The following RASGEF1A variants were observed in gnomAD, a reference collection of about 807,000 sequenced individuals.
The protein encoded by RASGEF1A is ras-GEF domain-containing family member 1A.
Under a neutral mutation model 56.4 loss-of-function variants are expected in RASGEF1A, and 18 were observed. The observed-to-expected ratio is 0.32, with a 90% CI of 0.22 to 0.47. The LOEUF (loss-of-function observed/expected upper bound fraction) is 0.47, where lower values mean the gene tolerates loss of function less well. Among genes scored for constraint, RASGEF1A ranks in the 20% least tolerant of loss-of-function variants. The pLI, the probability that RASGEF1A is intolerant of heterozygous loss-of-function variation, is 1.00. For missense variants in RASGEF1A, 422 were observed against 627.1 expected (o/e 0.67, Z 3.49); for synonymous variants, 245 against 242.6 (o/e 1.01, Z -0.09).
At chr10:43,264,848 G>A (rs1056250576) in intron 1 of RASGEF1A, among the ~76,000 whole-genome samples, 1 of 152,052 alleles carries the variant, frequency 6.6e-6, no homozygotes, top group African/African-American at 2.4e-5. Context: ...CAAACCCCCT[G>A]CCCCCATCCC....
rs187051447 is a variant in RASGEF1A at position 43,243,060 on chromosome 10, G to A, written c.-7+23785C>T. Among the ~76,000 whole-genome samples, 509 of 149,590 alleles carry A rather than the reference G, an allele frequency of 3.4e-3. 13 individuals are homozygous for A. In the East Asian group the frequency reaches 0.047, roughly 14 times the overall value. On this transcript the variant is annotated intron_variant, in intron 1 of 12. Transcript: ENST00000395810. ...TGGGAAGTGAGAAGTGCCTCTGCCCGGCCGCCACCCCATCTAGAAAGTGAG... is the reference window on the plus strand; with the variant it reads ...TGGGAAGTGAGAAGTGCCTCTGCCCAGCCGCCACCCCATCTAGAAAGTGAG...
intron 1 of RASGEF1A, among the ~76,000 whole-genome samples, chr10:43,241,767 T>TAA (rs930151048): frequency 6.8e-6 from 1 of 146,828 alleles, no homozygotes; most frequent in Non-Finnish European, 1.5e-5. Flanking sequence ...TTATCAGAGT[T>TAA]AAAAAAAAAA....
chr10:43,251,078 CCT>C (rs1170226868), intron 1 of RASGEF1A, among the ~76,000 whole-genome samples: 1 of 152,228 alleles, frequency 6.6e-6, no homozygotes, highest in Admixed American at 6.5e-5. Flanking sequence ...GTGCCTATTC[CCT>C]GATGGAGGCC....
At chr10:43,204,464 G>A (rs1376154836) in intron 2 of RASGEF1A, among the ~76,000 whole-genome samples, 1 of 152,218 alleles carries the variant, frequency 6.6e-6, no homozygotes, top group Non-Finnish European at 1.5e-5. Context: ...GAATTGAGGG[G>A]TCAGAACCAG....
intron 1 of RASGEF1A, among the ~76,000 whole-genome samples, chr10:43,245,540 A>G (rs1413507724): frequency 2.0e-5 from 3 of 152,234 alleles, no homozygotes; most frequent in Non-Finnish European, 4.4e-5. Context: ...ACAAAATATT[A>G]GCAAATCAGA....
intron 1 of RASGEF1A, among the ~76,000 whole-genome samples, chr10:43,210,107 G>A (rs1405521186): frequency 6.6e-6 from 1 of 152,268 alleles, no homozygotes; most frequent in Non-Finnish European, 1.5e-5. Flanking sequence ...TGAATCATGT[G>A]CAGGTGAATG....
intron 6 of RASGEF1A, 86 bp downstream of exon 6, chr10:43,200,096 G>T: frequency 8.9e-7 from 1 of 1,126,420 alleles, no homozygotes; most frequent in Non-Finnish European, 1.3e-6. Flanking sequence ...GGGGCGTGCT[G>T]AGTGAGGCCC....
At chr10:43,216,072 C>G (rs1267751152) in intron 1 of RASGEF1A, among the ~76,000 whole-genome samples, 1 of 152,216 alleles carries the variant, frequency 6.6e-6, no homozygotes, top group Non-Finnish European at 1.5e-5. Context: ...AAAACATGCA[C>G]TGACTGATGA....
At chr10:43,263,583 G>C (rs529172121) in intron 1 of RASGEF1A, among the ~76,000 whole-genome samples, 2 of 152,140 alleles carry the variant, frequency 1.3e-5, no homozygotes, top group Admixed American at 6.5e-5. Context: ...TCTGCTCCCT[G>C]AATTCACAAA....
chr10:43,255,362 C>T (rs950422417), intron 1 of RASGEF1A, among the ~76,000 whole-genome samples: 5 of 152,170 alleles, frequency 3.3e-5, no homozygotes, highest in Non-Finnish European at 7.4e-5. Context: ...CCAGGATATC[C>T]TGGACAGTGG....
chr10:43,203,397 G>T lies in RASGEF1A; in HGVS notation c.222C>A (p.Leu74=), dbSNP rs764179519. ...YPDRTYIFTF[L]LSSRVFMPPH... ...GGGGCATAAAGACCCGGGAGCTCAG[G>T]AGAAAGGTGAAGATGTACGTCCTCT... is the stretch of plus-strand genomic sequence containing the variant. Residue 74 remains leucine, a synonymous_variant, in exon 3 of 13, where the codon CTC becomes CTA. Coordinates refer to ENST00000395810, the MANE Select transcript of RASGEF1A (RefSeq NM_145313.4). 7 of 1,582,686 alleles carry T rather than the reference G, an allele frequency of 4.4e-6. No homozygotes were observed. In the East Asian group the frequency reaches 1.6e-4, roughly 36 times the overall value.
intron 1 of RASGEF1A, among the ~76,000 whole-genome samples, chr10:43,265,670 A>G (rs1449735447): frequency 6.6e-6 from 1 of 152,244 alleles, no homozygotes; most frequent in African/African-American, 2.4e-5. Flanking sequence ...GTCAGTCTAC[A>G]GATGGGGAAA....
Position 43,229,817 on chromosome 10 carries a change from G to A in RASGEF1A, c.-6-23695C>T, listed in dbSNP as rs994881617. On this transcript the variant is annotated intron_variant, in intron 1 of 12. Coordinates refer to ENST00000395810, the MANE Select transcript of RASGEF1A (RefSeq NM_145313.4). ...CCGGAAGCAGGGAACCGAGGGGCTG[G>A]GCTGGGGACCGCGGGGTCCGGGCGG... is the stretch of plus-strand genomic sequence containing the variant. The A allele has an allele frequency of 1.3e-5, 14 of 1,116,040 alleles. No individual in the cohort carries two copies. The African/African-American group carries it at 2.1e-4, about 17-fold the overall frequency. 69.1% of individuals were successfully genotyped at this position (1,116,040 alleles called of 1,614,324 possible). A position where few individuals can be genotyped will look rare whatever the true frequency, so the allele number is the denominator to read the frequency against.
At chr10:43,197,933 G>A (rs1839826030) in intron 10 of RASGEF1A, 71 bp downstream of exon 10, 2 of 1,379,450 alleles carry the variant, frequency 1.4e-6, no homozygotes, top group African/African-American at 1.4e-5. Context: ...CCCGACCCAG[G>A]GCTAATGCCT....
At chr10:43,198,329 G>A (rs951714400) in intron 9 of RASGEF1A, 134 bp from the exon 10 acceptor site, 61 of 732,630 alleles carry the variant, frequency 8.3e-5, no homozygotes, top group Non-Finnish European at 1.1e-4. Context: ...GAGTTAGCAC[G>A]GGGGAGGGGA....
intron 3 of RASGEF1A, among the ~76,000 whole-genome samples, 169 bp from the exon 4 acceptor site, chr10:43,202,114 C>T (rs1839909890): frequency 6.6e-6 from 1 of 152,200 alleles, no homozygotes; most frequent in Non-Finnish European, 1.5e-5. Context: ...CGCCACATGA[C>T]TCCTGTTTGG....
chr10:43,262,502 C>T (rs944782018), intron 1 of RASGEF1A, among the ~76,000 whole-genome samples: 29 of 152,334 alleles, frequency 1.9e-4, no homozygotes, highest in African/African-American at 6.0e-4. Flanking sequence ...GGTGCAGCAA[C>T]GTGGCCCAGG....
chr10:43,257,618 G>T (rs369811564), intron 1 of RASGEF1A, among the ~76,000 whole-genome samples: 9 of 152,338 alleles, frequency 5.9e-5, no homozygotes, highest in African/African-American at 1.4e-4. Context: ...TCCCCAGGGG[G>T]TAGTGACTGC....
intron 1 of RASGEF1A, among the ~76,000 whole-genome samples, chr10:43,220,857 T>C (rs1840198824): frequency 6.7e-6 from 1 of 149,342 alleles, no homozygotes; most frequent in African/African-American, 2.5e-5. Context: ...GCCCTCAGAG[T>C]GATTAGCATA....
Sources: allele counts gnomAD v4.1 joint callset (sites outside exome capture counted in the v4.1 genomes callset), GRCh38; gene constraint gnomAD v4.1.1; transcripts MANE v1.5; gene names NCBI Gene and HGNC (gene_info 2026-07-23, HGNC 2026-07-21).